KCNK9: variants seen among roughly 807,000 people sequenced by gnomAD.
KCNK9 encodes the protein potassium channel subfamily K member 9.
Under a neutral mutation model 10.8 loss-of-function variants are expected in KCNK9, and 1 was observed. The observed-to-expected ratio is 0.09, with a 90% CI of 0.03 to 0.44. The LOEUF is 0.44. Ranked by LOEUF, KCNK9 falls within the 20% of genes least tolerant of loss-of-function variation. The pLI is 0.97. For missense variants in KCNK9, 303 were observed against 515.0 expected (o/e 0.59, Z 3.98); for synonymous variants, 231 against 222.7 (o/e 1.04, Z -0.33).
At position 139,702,612 on chromosome 8, in the gene KCNK9, A is replaced by G; in HGVS notation, c.283+98T>C. On this transcript the variant is annotated intron_variant, in intron 1 of 1. Transcript: ENST00000520439. The surrounding 1 kb of genome is among the most constrained non-coding windows in gnomAD (Gnocchi z 7.5). ...AGGCCCCCAAGGGAGGCTGCGTTTA[A>G]CCCTCGACGCCCTGCACCCAGCCCG... is the stretch of plus-strand genomic sequence containing the variant. 7.8e-7 allele frequency: 1 copy of G among 1,279,152 alleles called. No individual in the cohort carries two copies. Among genetic ancestry groups the G allele is most frequent in the Non-Finnish European group, 1.1e-6 (1 of 940,540 alleles). The allele number at this position is 1,279,152 out of a possible 1,614,324, so 79.2% of individuals were successfully genotyped here.
At chr8:139,673,080 A>G (rs1326300456) in intron 1 of KCNK9, among the ~76,000 whole-genome samples, 7 of 152,298 alleles carry the variant, frequency 4.6e-5, no homozygotes, top group African/African-American at 1.7e-4. Flanking sequence ...AAGGTCCTCA[A>G]TCCTTGGATC....
At chr8:139,650,613 A>G (rs1266418887) in intron 1 of KCNK9, among the ~76,000 whole-genome samples, 1 of 151,966 alleles carries the variant, frequency 6.6e-6, no homozygotes, top group Non-Finnish European at 1.5e-5. Context: ...TCCCCTCTCC[A>G]CTCCAGGGTC....
At chr8:139,675,685 C>T (rs1353933776) in intron 1 of KCNK9, among the ~76,000 whole-genome samples, 2 of 152,258 alleles carry the variant, frequency 1.3e-5, no homozygotes, top group East Asian at 1.9e-4. Context: ...AAATAAGACA[C>T]TCTCAGTCCT....
chr8:139,684,054 A>C (rs1430211222), intron 1 of KCNK9, among the ~76,000 whole-genome samples: 1 of 152,220 alleles, frequency 6.6e-6, no homozygotes, highest in Non-Finnish European at 1.5e-5. Context: ...ACAAAGCCAA[A>C]AAGTCAAAGA....
chr8:139,647,996 T>C (rs1815743097), intron 1 of KCNK9, among the ~76,000 whole-genome samples: 1 of 152,160 alleles, frequency 6.6e-6, no homozygotes, highest in Non-Finnish European at 1.5e-5. Flanking sequence ...CCAATGTGCA[T>C]AGCAGCACGC....
chr8:139,638,652 C>T (rs1209466234), intron 1 of KCNK9, among the ~76,000 whole-genome samples: 1 of 152,220 alleles, frequency 6.6e-6, no homozygotes, highest in Non-Finnish European at 1.5e-5. Flanking sequence ...GGGATAGTCC[C>T]TACCAGCCTC....
At chr8:139,697,436 T>C (rs1817089910) in intron 1 of KCNK9, among the ~76,000 whole-genome samples, 1 of 146,314 alleles carries the variant, frequency 6.8e-6, no homozygotes, top group Non-Finnish European at 1.5e-5. Context: ...TGGATGGATG[T>C]GTAGATGGGT....
downstream of KCNK9, among the ~76,000 whole-genome samples, chr8:139,614,263 C>CAGAT (rs1338065308): frequency 6.6e-6 from 1 of 152,174 alleles, no homozygotes; most frequent in African/African-American, 2.4e-5. Flanking sequence ...GCCCTGTGCA[C>CAGAT]AGATAAGGAA....
At chr8:139,656,211 C>T (rs182591432) in intron 1 of KCNK9, among the ~76,000 whole-genome samples, 239 of 152,284 alleles carry the variant, frequency 1.6e-3, no homozygotes, top group African/African-American at 5.3e-3. Flanking sequence ...CTGTCAGGCC[C>T]TCCCTGCAAG....
At chr8:139,690,603 C>G (rs1396833921) in intron 1 of KCNK9, among the ~76,000 whole-genome samples, 1 of 150,978 alleles carries the variant, frequency 6.6e-6, no homozygotes, top group Non-Finnish European at 1.5e-5. Context: ...TCTGAGTTCT[C>G]TTGATATTGT....
intron 1 of KCNK9, among the ~76,000 whole-genome samples, chr8:139,634,747 G>A (rs888345): frequency 0.81 from 123,052 of 151,954 alleles, 50,024 homozygotes; most frequent in Middle Eastern, 0.89. Flanking sequence ...TCCTCCCGAG[G>A]TCATTTACCC....
intron 1 of KCNK9, among the ~76,000 whole-genome samples, chr8:139,647,248 C>T (rs1815716957): frequency 6.6e-6 from 1 of 152,192 alleles, no homozygotes; most frequent in African/African-American, 2.4e-5. Flanking sequence ...GTCCCAGGCT[C>T]CCCATTGCCA....
In KCNK9 at chr8:139,687,385, A is replaced by ACACATATATATTC. The variant is rs1816817991; in HGVS notation, c.283+15324_283+15325insGAATATATATGTG. 4.5e-5 allele frequency among the ~76,000 whole-genome samples: 4 copies of ACACATATATATTC among 89,398 alleles called. 2 individuals are homozygous for ACACATATATATTC. The highest frequency in any genetic ancestry group is 1.6e-4 in the African/African-American group (4 of 24,714). The allele number at this position is 89,398 out of a possible 152,430, so 58.6% of individuals were successfully genotyped here. On this transcript the variant is annotated intron_variant, in intron 1 of 1. Coordinates refer to ENST00000520439, the MANE Select transcript of KCNK9 (RefSeq NM_001282534.2). ...ATATATATGTGTATACATATATATG[A>ACACATATATATTC]ATATATATGTGTATACATATATATT...
intron 1 of KCNK9, among the ~76,000 whole-genome samples, chr8:139,671,250 C>T (rs1016088230): frequency 6.6e-6 from 1 of 152,224 alleles, no homozygotes; most frequent in African/African-American, 2.4e-5. Context: ...GGGCACATCC[C>T]CCTTTCTTTC....
intron 2 of KCNK9, chr8:139,601,976 T>G (rs1332753578): frequency 6.6e-6 from 1 of 152,262 alleles, no homozygotes; most frequent in Non-Finnish European, 1.5e-5. Context: ...TCACCGTTTG[T>G]GTCCACCATG....
intron 1 of KCNK9, among the ~76,000 whole-genome samples, chr8:139,660,306 G>A (rs79549300): frequency 0.031 from 4,789 of 152,146 alleles, 141 homozygotes; most frequent in African/African-American, 0.075. Flanking sequence ...TCCATACGAT[G>A]CATTAAAAAT....
chr8:139,642,491 G>T (rs1815533087), intron 1 of KCNK9, among the ~76,000 whole-genome samples: 1 of 152,248 alleles, frequency 6.6e-6, no homozygotes. Context: ...CACACATCCT[G>T]CTTCTGCCTG....
At chr8:139,629,404 T>C (rs937735059) in intron 1 of KCNK9, among the ~76,000 whole-genome samples, 3 of 152,228 alleles carry the variant, frequency 2.0e-5, no homozygotes, top group African/African-American at 7.2e-5. Context: ...CACTGAAACC[T>C]AAACAAGTAT....
At chr8:139,651,566 A>T (rs924828513) in intron 1 of KCNK9, among the ~76,000 whole-genome samples, 3 of 152,134 alleles carry the variant, frequency 2.0e-5, no homozygotes, top group Admixed American at 6.5e-5. Context: ...CCCCTGCAAC[A>T]ACTATTGTGC....
Sources: gnomAD v4.1 joint callset for allele counts (sites outside exome capture counted in the v4.1 genomes callset) on GRCh38, gnomAD v4.1.1 for gene constraint, Gnocchi (gnomAD v3.1) non-coding constraint, MANE v1.5 for transcripts, NCBI Gene and HGNC (gene_info 2026-07-23, HGNC 2026-07-21) for gene names.